Variants in TENM1 observed in about 807,000 individuals in gnomAD.
The protein encoded by TENM1 is teneurin transmembrane protein 1.
In TENM1, 35 loss-of-function variants were observed where a neutral mutation model predicts 174.8. The observed-to-expected ratio is 0.20, with a 90% CI of 0.15 to 0.27. TENM1 has a LOEUF of 0.27. Among genes scored for constraint, TENM1 ranks in the 10% least tolerant of loss-of-function variants. TENM1 has a pLI of 1.00. For synonymous variants in TENM1, 781 were observed against 798.7 expected (o/e 0.98, Z 0.37); for missense variants, 1,633 against 2,130.1 (o/e 0.77, Z 4.59).
At position 124,507,745 on chromosome X, in the gene TENM1, C is replaced by A. The variant is rs373917763; in HGVS notation, c.3302-4042G>T. ...AGGATAGGAGATTGACATTAAGTAG[C>A]CAAGGTAAAGGTGCCATGCAATGAA... On this transcript the variant is annotated intron_variant, in intron 18 of 31. Transcript: ENST00000422452. 1.4e-4 allele frequency among the ~76,000 whole-genome samples: 16 copies of A among 111,497 alleles called. No homozygotes were observed. In the East Asian group the frequency reaches 4.2e-3, roughly 30 times the overall value.
intron 3 of TENM1, among the ~76,000 whole-genome samples, chrX:124,843,531 A>G (rs973786746): frequency 9.0e-6 from 1 of 110,788 alleles, no homozygotes. Context: ...TCTGTTCCTC[A>G]CCTCAGGAAT....
upstream of TENM1, among the ~76,000 whole-genome samples, chrX:124,967,451 C>T (rs905712670): frequency 4.5e-5 from 5 of 111,512 alleles, no homozygotes; most frequent in Non-Finnish European, 7.5e-5. Flanking sequence ...TATCCAGCCA[C>T]GTCTTTTCTT....
intron 5 of TENM1, among the ~76,000 whole-genome samples, chrX:124,697,996 G>A (rs748283946): frequency 6.3e-5 from 7 of 111,423 alleles, no homozygotes; most frequent in Non-Finnish European, 1.1e-4. Flanking sequence ...GCTTTGACAG[G>A]TCTTGGAATT....
chrX:124,715,454 G>T (rs1022674852), intron 4 of TENM1, among the ~76,000 whole-genome samples: 3 of 109,919 alleles, frequency 2.7e-5, no homozygotes, highest in African/African-American at 9.9e-5. Flanking sequence ...CTGAAAGTCA[G>T]TTCCCAATTT....
At chrX:124,899,351 C>T (rs2057617789) in intron 1 of TENM1, among the ~76,000 whole-genome samples, 1 of 111,345 alleles carries the variant, frequency 9.0e-6, no homozygotes, top group Non-Finnish European at 1.9e-5. Context: ...GCCATCACAC[C>T]TGGCTAATTT....
At chrX:124,965,642 C>T (rs1379674843), upstream of TENM1, among the ~76,000 whole-genome samples, 1 of 111,043 alleles carries the variant, frequency 9.0e-6, no homozygotes. Flanking sequence ...TTGGTTTGAA[C>T]TAATATGAGA....
At chrX:125,047,449 A>G in the TENM1 span, among the ~76,000 whole-genome samples, 1 of 111,794 alleles carries the variant, frequency 8.9e-6, no homozygotes, top group African/African-American at 3.2e-5. Context: ...TAAATCATCA[A>G]GAAAATTTCT....
intron 1 of TENM1, among the ~76,000 whole-genome samples, chrX:124,954,791 A>G (rs1346222788): frequency 2.7e-5 from 3 of 111,671 alleles, no homozygotes; most frequent in Non-Finnish European, 5.7e-5. Context: ...ATTGTCATTA[A>G]TGTTCCCACA....
At chrX:124,701,954 C>G (rs1424433636) in intron 5 of TENM1, among the ~76,000 whole-genome samples, 2 of 111,581 alleles carry the variant, frequency 1.8e-5, no homozygotes, top group Non-Finnish European at 3.8e-5. Context: ...GCACAGCATA[C>G]AGCCATTAGT....
chrX:124,542,267 A>G (rs1485447861), intron 15 of TENM1, among the ~76,000 whole-genome samples: 1 of 112,736 alleles, frequency 8.9e-6, no homozygotes, highest in Non-Finnish European at 1.9e-5. Context: ...TCAAAACAAG[A>G]AGAGAACAAA....
the TENM1 span, among the ~76,000 whole-genome samples, chrX:125,164,392 C>T: frequency 2.7e-5 from 3 of 111,318 alleles, no homozygotes; most frequent in Non-Finnish European, 5.7e-5. Flanking sequence ...GTCATTCTGC[C>T]CAAGTGGAAT....
chrX:124,748,999 G>C (rs2054000865), intron 3 of TENM1, among the ~76,000 whole-genome samples: 1 of 111,472 alleles, frequency 9.0e-6, no homozygotes, highest in Non-Finnish European at 1.9e-5. Context: ...GTGCCATCTA[G>C]TAAGTAGCCT....
chrX:125,080,883 T>C, the TENM1 span, among the ~76,000 whole-genome samples: 2 of 111,204 alleles, frequency 1.8e-5, no homozygotes, highest in African/African-American at 6.5e-5. Flanking sequence ...CGGGCTCTTA[T>C]CATTTCCTAC....
chrX:124,692,259 G>A (rs1249887630), intron 5 of TENM1, among the ~76,000 whole-genome samples: 1 of 111,057 alleles, frequency 9.0e-6, no homozygotes, highest in Non-Finnish European at 1.9e-5. Context: ...ACAAAGAAGG[G>A]AGAAAGAGAC....
Position 124,376,123 on chromosome X carries a change from C to G in TENM1, c.*4413G>C, listed in dbSNP as rs184290876. On this transcript the variant is annotated 3_prime_UTR_variant, in exon 32 of 32. Coordinates refer to ENST00000422452, the Ensembl canonical transcript of TENM1. ...TGTACAGTATCCAGTCACTTTTCAGCACAGGAGAGCAGGAATACAAAATTG... is the reference window on the plus strand; with the variant it reads ...TGTACAGTATCCAGTCACTTTTCAGGACAGGAGAGCAGGAATACAAAATTG... 4 of 111,771 alleles carry G rather than the reference C, an allele frequency of 3.6e-5. No individual in the cohort carries two copies. The Admixed American group carries it at 3.8e-4, about 11-fold the overall frequency. The allele number at this position is 111,771 out of a possible 1,213,427, so 9.2% of individuals were successfully genotyped here.
chrX:124,404,684 C>A (rs1195762566), intron 27 of TENM1, among the ~76,000 whole-genome samples: 1 of 111,320 alleles, frequency 9.0e-6, no homozygotes, highest in African/African-American at 3.3e-5. Context: ...ACCTGATAGA[C>A]ATCTCCAGGG....
intron 23 of TENM1, among the ~76,000 whole-genome samples, chrX:124,423,602 T>C (rs764009876): frequency 1.8e-5 from 2 of 110,617 alleles, no homozygotes; most frequent in South Asian, 7.8e-4. Context: ...AGGTGGTACC[T>C]AAGTAAGGTC....
At chrX:125,093,279 C>A in the TENM1 span, among the ~76,000 whole-genome samples, 3 of 111,440 alleles carry the variant, frequency 2.7e-5, no homozygotes, top group African/African-American at 9.8e-5. Flanking sequence ...CCTCTCCTCT[C>A]TGCAGCTCAA....
the TENM1 span, among the ~76,000 whole-genome samples, chrX:125,101,185 A>C: frequency 8.9e-6 from 1 of 112,197 alleles, no homozygotes; most frequent in Non-Finnish European, 1.9e-5. Context: ...TAAACAAATT[A>C]ACCAGATATT....
Sources: allele counts gnomAD v4.1 joint callset (sites outside exome capture counted in the v4.1 genomes callset), GRCh38; gene constraint gnomAD v4.1.1; transcripts MANE v1.5; gene names NCBI Gene and HGNC (gene_info 2026-07-23, HGNC 2026-07-21).